Variants in ZNF782 observed in about 807,000 individuals in gnomAD.
ZNF782 encodes the protein zinc finger protein 782.
In ZNF782, 12 loss-of-function variants were observed where a neutral mutation model predicts 13.0. The ratio of observed to expected loss-of-function variants is 0.92; its 90% CI spans 0.59 to 1.50. The LOEUF is 1.50. ZNF782 is among the 40% of genes most tolerant of loss of function. The probability of loss-of-function intolerance (pLI) is 0.00; values close to 1 mark genes in which losing one functional copy is unlikely to be tolerated. For synonymous variants in ZNF782, 284 were observed against 283.0 expected (o/e 1.00, Z -0.04); for missense variants, 770 against 822.9 (o/e 0.94, Z 0.79).
intron 1 of ZNF782, among the ~76,000 whole-genome samples, chr9:96,863,688 G>A (rs1283727437): frequency 6.6e-6 from 1 of 152,294 alleles, no homozygotes; most frequent in Admixed American, 6.5e-5. Flanking sequence ...CCATAAAATG[G>A]AATGAAATAA....
At chr9:96,909,868 G>T in the ZNF782 span, among the ~76,000 whole-genome samples, 1 of 151,558 alleles carries the variant, frequency 6.6e-6, no homozygotes, top group African/African-American at 2.4e-5. Flanking sequence ...ATGTCTTAGA[G>T]GGAGAAAACA....
At chr9:96,882,429 TA>T in the ZNF782 span, among the ~76,000 whole-genome samples, 6 of 152,174 alleles carry the variant, frequency 3.9e-5, no homozygotes, top group Non-Finnish European at 5.9e-5. Flanking sequence ...AATAAAAAAT[TA>T]GGCATTTCTT....
chr9:96,859,059 C>T (rs1309892473), upstream of ZNF782, among the ~76,000 whole-genome samples: 1 of 147,838 alleles, frequency 6.8e-6, no homozygotes, highest in East Asian at 1.9e-4. Context: ...TACACTAGTG[C>T]CCACCCACAG....
rs1032306580 is a variant in ZNF782, at chr9:96,845,938, G to A, written c.16-922C>T. 2.0e-5 allele frequency among the ~76,000 whole-genome samples: 3 copies of A among 152,246 alleles called. No homozygotes were observed. The South Asian group carries it at 6.2e-4, about 32-fold the overall frequency. On this transcript the variant is annotated intron_variant, in intron 3 of 5. Coordinates refer to ENST00000481138, the MANE Select transcript of ZNF782 (RefSeq NM_001001662.3). ...GCCAACATGAAGGACAAAATTCTAA[G>A]AGCACTAAGATAAAAGCATCAGGTA...
At chr9:96,881,550 T>A in the ZNF782 span, among the ~76,000 whole-genome samples, 1 of 152,074 alleles carries the variant, frequency 6.6e-6, no homozygotes, top group South Asian at 2.1e-4. Flanking sequence ...TGGAAAAAAA[T>A]TAAAGACTAT....
the ZNF782 span, chr9:96,893,863 G>A: frequency 3.5e-5 from 5 of 143,980 alleles, no homozygotes; most frequent in Non-Finnish European, 5.9e-5. Flanking sequence ...AGCCGGGAGC[G>A]GTGGCGGGCG....
At chr9:96,865,343 T>A (rs1432458267) in intron 1 of ZNF782, among the ~76,000 whole-genome samples, 1 of 152,186 alleles carries the variant, frequency 6.6e-6, no homozygotes, top group African/African-American at 2.4e-5. Flanking sequence ...CCTGTGTTGT[T>A]CTCATGATAG....
the ZNF782 span, among the ~76,000 whole-genome samples, chr9:96,899,776 A>C: frequency 1.3e-5 from 2 of 152,080 alleles, no homozygotes; most frequent in Admixed American, 1.3e-4. Flanking sequence ...AACACAGCCA[A>C]CTCCAAATAT....
the ZNF782 span, among the ~76,000 whole-genome samples, chr9:96,882,168 T>C: frequency 6.6e-6 from 1 of 152,068 alleles, no homozygotes; most frequent in African/African-American, 2.4e-5. Context: ...AAAAAAGGCC[T>C]AAATTCATTA....
At chr9:96,877,191 C>T (rs1481491306), upstream of ZNF782, among the ~76,000 whole-genome samples, 4 of 152,152 alleles carry the variant, frequency 2.6e-5, no homozygotes, top group African/African-American at 7.2e-5. Flanking sequence ...TAATTTCTTC[C>T]GTGAGATGAT....
At chr9:96,899,524 G>A in the ZNF782 span, among the ~76,000 whole-genome samples, 1 of 152,126 alleles carries the variant, frequency 6.6e-6, no homozygotes, top group Admixed American at 6.6e-5. Flanking sequence ...ACTTATATCA[G>A]AATACCTGAA....
intron 4 of ZNF782, among the ~76,000 whole-genome samples, chr9:96,835,136 C>T (rs1564003172): frequency 2.6e-5 from 4 of 152,182 alleles, no homozygotes; most frequent in Non-Finnish European, 5.9e-5. Flanking sequence ...TTATGGAAGG[C>T]AGAACTTAAG....
At chr9:96,847,130 C>T (rs1311137920) in intron 3 of ZNF782, among the ~76,000 whole-genome samples, 1 of 151,964 alleles carries the variant, frequency 6.6e-6, no homozygotes, top group African/African-American at 2.4e-5. Flanking sequence ...TTTACAAATT[C>T]AATGAATGAT....
At chr9:96,837,339 C>A (rs2118622793) in intron 4 of ZNF782, among the ~76,000 whole-genome samples, 1 of 152,308 alleles carries the variant, frequency 6.6e-6, no homozygotes, top group East Asian at 1.9e-4. Context: ...TTGTTCACAG[C>A]ATTCCTTTAT....
At chr9:96,920,655 G>A in the ZNF782 span, among the ~76,000 whole-genome samples, 1,465 of 148,962 alleles carry the variant, frequency 9.8e-3, 23 homozygotes, top group African/African-American at 0.034. Context: ...AGTGGCTCAC[G>A]CCTGTAATCC....
intron 4 of ZNF782, among the ~76,000 whole-genome samples, chr9:96,842,359 G>A (rs927237057): frequency 6.6e-6 from 1 of 151,932 alleles, no homozygotes; most frequent in Admixed American, 6.6e-5. Context: ...ATATGCAAAG[G>A]TGAAGTAACT....
chr9:96,852,045 C>A, intron 2 of ZNF782, 40 bp from the exon 3 acceptor site: 1 of 1,353,794 alleles, frequency 7.4e-7, no homozygotes. Context: ...GTCTCGCCTA[C>A]CTCACAGCTC....
At chr9:96,930,885 T>G in the ZNF782 span, among the ~76,000 whole-genome samples, 2 of 69,380 alleles carry the variant, frequency 2.9e-5, no homozygotes, top group East Asian at 3.6e-4. Context: ...TTTTTTTTTT[T>G]TTTTTTTTTT....
intron 1 of ZNF782, chr9:96,875,452 C>T: frequency 2.2e-6 from 1 of 456,654 alleles, no homozygotes; most frequent in South Asian, 1.5e-5. Flanking sequence ...GGTTCCCGCC[C>T]TCGCCCCCCG....
Sources: allele counts gnomAD v4.1 joint callset (sites outside exome capture counted in the v4.1 genomes callset), GRCh38; gene constraint gnomAD v4.1.1; transcripts MANE v1.5; gene names NCBI Gene and HGNC (gene_info 2026-07-23, HGNC 2026-07-21).